The following KLF7 variants were observed in gnomAD, a reference collection of about 807,000 sequenced individuals.
KLF7 encodes KLF transcription factor 7.
In KLF7, 2 loss-of-function variants were observed where a neutral mutation model predicts 27.3. That is an observed-to-expected ratio of 0.07 (90% CI 0.03 to 0.23). The LOEUF (loss-of-function observed/expected upper bound fraction) is 0.23, where lower values mean the gene tolerates loss of function less well. Among genes scored for constraint, KLF7 ranks in the 10% least tolerant of loss-of-function variants. The pLI is 1.00. For missense variants in KLF7, 221 were observed against 394.1 expected, an observed-to-expected ratio of 0.56 and a Z score of 3.72; for synonymous variants, 165 against 162.4, an observed-to-expected ratio of 1.02 and a Z score of -0.12.
chr2:207,132,460 T>A (rs2077661891), intron 1 of KLF7, among the ~76,000 whole-genome samples: 1 of 152,220 alleles, frequency 6.6e-6, no homozygotes, highest in African/African-American at 2.4e-5. Context: ...TCTTCCATGT[T>A]TCTCTTCTCC....
intron 2 of KLF7, among the ~76,000 whole-genome samples, chr2:207,110,261 G>A (rs1458078335): frequency 6.6e-6 from 1 of 152,208 alleles, no homozygotes; most frequent in Admixed American, 6.5e-5. Flanking sequence ...GTGCTGGTGC[G>A]AACCAGAACA....
chr2:207,083,120 G>A (rs73983159), intron 3 of KLF7, among the ~76,000 whole-genome samples: 1 of 152,226 alleles, frequency 6.6e-6, no homozygotes, highest in East Asian at 1.9e-4. Context: ...TGCCTCTAAA[G>A]GGGGTTTGGT....
chr2:207,166,878 G>A (rs866097005), upstream of KLF7: 17 of 1,076,704 alleles, frequency 1.6e-5, no homozygotes, highest in Middle Eastern at 4.1e-4. Context: ...AAGGGGAGCG[G>A]AGCGAGACCG....
chr2:207,095,054 T>TC (rs2076595758), intron 2 of KLF7, among the ~76,000 whole-genome samples: 1 of 143,846 alleles, frequency 7.0e-6, no homozygotes, highest in East Asian at 2.0e-4. Context: ...TTTTTTTTTT[T>TC]TTCTGAGACG....
At chr2:207,154,694 G>A (rs926458102) in intron 1 of KLF7, among the ~76,000 whole-genome samples, 2 of 152,200 alleles carry the variant, frequency 1.3e-5, no homozygotes, top group Non-Finnish European at 2.9e-5. Flanking sequence ...GAAGGAAAGA[G>A]CATTTGTTGA....
chr2:207,155,956 C>T (rs2078370761), intron 1 of KLF7, among the ~76,000 whole-genome samples: 1 of 152,196 alleles, frequency 6.6e-6, no homozygotes, highest in Non-Finnish European at 1.5e-5. Context: ...TGAATTCCTG[C>T]TAACTCGGCT....
At chr2:207,157,975 T>C (rs575265560) in intron 1 of KLF7, among the ~76,000 whole-genome samples, 2 of 152,174 alleles carry the variant, frequency 1.3e-5, no homozygotes, top group East Asian at 3.9e-4. Flanking sequence ...GAAGTGATGG[T>C]AGAACAACCC....
Position 207,105,772 on chromosome 2 carries a change from G to C in KLF7, c.734-17191C>G, listed in dbSNP as rs148065122. On this transcript the variant is annotated intron_variant, in intron 2 of 3. Transcript: ENST00000309446. ...GGAGTATCAGTTTGTGTGCTCTGCAGGGACTGAGAGAACAGGCAGTGGCCA... is the reference window on the plus strand; with the variant it reads ...GGAGTATCAGTTTGTGTGCTCTGCACGGACTGAGAGAACAGGCAGTGGCCA... Among the ~76,000 whole-genome samples, 363 of 152,260 alleles carry C rather than the reference G, an allele frequency of 2.4e-3. 1 individual carries two copies. The highest frequency in any genetic ancestry group is 4.2e-3 in the Non-Finnish European group (286 of 68,024).
At chr2:207,115,567 A>G (rs2077155760) in intron 2 of KLF7, among the ~76,000 whole-genome samples, 1 of 152,200 alleles carries the variant, frequency 6.6e-6, no homozygotes, top group Non-Finnish European at 1.5e-5. Flanking sequence ...ATTTTAAGTG[A>G]TCTTGCCTCG....
intron 3 of KLF7, among the ~76,000 whole-genome samples, chr2:207,082,000 G>A (rs2076284208): frequency 6.6e-6 from 1 of 152,032 alleles, no homozygotes; most frequent in Admixed American, 6.5e-5. Flanking sequence ...GTGTGTGTGT[G>A]TGTTGGGGGC....
intron 2 of KLF7, among the ~76,000 whole-genome samples, chr2:207,104,833 A>C (rs1404622004): frequency 6.6e-6 from 1 of 152,262 alleles, no homozygotes; most frequent in Non-Finnish European, 1.5e-5. Context: ...GATAAAACAA[A>C]TGTTTCAACT....
intron 2 of KLF7, among the ~76,000 whole-genome samples, chr2:207,103,542 T>G (rs2076814160): frequency 6.6e-6 from 1 of 152,214 alleles, no homozygotes; most frequent in Non-Finnish European, 1.5e-5. Flanking sequence ...TTAACATACA[T>G]GAACAAAGGA....
chr2:207,134,032 C>G, intron 1 of KLF7: 1 of 1,507,338 alleles, frequency 6.6e-7, no homozygotes, highest in Non-Finnish European at 8.9e-7. Flanking sequence ...CACTCACACA[C>G]CCTCCTCAAA....
At chr2:207,094,396 T>C (rs1017850383) in intron 2 of KLF7, among the ~76,000 whole-genome samples, 2 of 152,244 alleles carry the variant, frequency 1.3e-5, no homozygotes, top group African/African-American at 4.8e-5. Context: ...TTTAGGTATG[T>C]CAAGGTCCTA....
intron 2 of KLF7, among the ~76,000 whole-genome samples, chr2:207,119,824 C>CTCCT (rs547440667): frequency 1.3e-4 from 20 of 152,310 alleles, no homozygotes; most frequent in Middle Eastern, 6.8e-3. Context: ...CTGCCTCAGC[C>CTCCT]TCCTGAGTAG....
rs757676482 is a variant in KLF7 at position 207,077,897 on chromosome 2, G to A, written c.*3316C>T. The A allele has an allele frequency of 6.6e-6, 1 of 152,178 alleles. No homozygotes were observed. Among genetic ancestry groups the A allele is most frequent in the Non-Finnish European group, 1.5e-5 (1 of 68,042 alleles). 9.4% of individuals were successfully genotyped at this position (152,178 alleles called of 1,614,324 possible). A position where few individuals can be genotyped will look rare whatever the true frequency, so the allele number is the denominator to read the frequency against. ...AGGACACCACCAGAAACACCAGGCC[G>A]GGTTTTTCCTTTCAAATTTGGGATC... is the stretch of plus-strand genomic sequence containing the variant. On this transcript the variant is annotated 3_prime_UTR_variant, in exon 4 of 4. Coordinates refer to ENST00000309446, the MANE Select transcript of KLF7 (RefSeq NM_003709.4).
chr2:207,127,525 G>A (rs951953495), intron 1 of KLF7, among the ~76,000 whole-genome samples: 1 of 152,146 alleles, frequency 6.6e-6, no homozygotes, highest in Non-Finnish European at 1.5e-5. Flanking sequence ...GTTTGTAAAT[G>A]ATTATGAGAA....
Position 207,124,036 on chromosome 2 carries a change from G to A in KLF7, c.471C>T (p.Ala157=), listed in dbSNP as rs755654461. ...GTTTCAACGTCACCGTGCCATCCAC[G>A]GCAGAGAGAGTTTGTGAGGTTTTGA... ...HLVKTSQTLS[A]VDGTVTLKLV... Residue 157 remains alanine, a synonymous_variant, in exon 2 of 4, where the codon GCC becomes GCT. Transcript: ENST00000309446. 9.3e-6 allele frequency: 15 copies of A among 1,614,014 alleles called. No homozygotes were observed. Among genetic ancestry groups the A allele is most frequent in the African/African-American group, 2.7e-5 (2 of 74,900 alleles).
upstream of KLF7, chr2:207,166,232 A>C: frequency 3.2e-6 from 3 of 939,616 alleles, no homozygotes; most frequent in Non-Finnish European, 3.8e-6. Context: ...CTGAGGACCA[A>C]TGGGGAGCCC....
Sources: gnomAD v4.1 joint callset for allele counts (sites outside exome capture counted in the v4.1 genomes callset) on GRCh38, gnomAD v4.1.1 for gene constraint, MANE v1.5 for transcripts, NCBI Gene and HGNC (gene_info 2026-07-23, HGNC 2026-07-21) for gene names.